Variants in BBS9 observed in about 807,000 individuals in gnomAD.
BBS9 encodes protein PTHB1.
A neutral mutation model predicts 117.7 loss-of-function variants in BBS9; 89 were observed. That is an observed-to-expected ratio of 0.76 (90% CI 0.64 to 0.90). The LOEUF is 0.90. BBS9 is among the 40% of genes least tolerant of loss of function. The pLI, the probability that BBS9 is intolerant of heterozygous loss-of-function variation, is 0.00. For missense variants in BBS9, 982 were observed against 1,042.2 expected (o/e 0.94, Z 0.80); for synonymous variants, 379 against 370.9 (o/e 1.02, Z -0.25).
At chr7:33,635,469 C>G (rs528629574) in exon 22 of BBS9, among the ~76,000 whole-genome samples, 2 of 152,334 alleles carry the variant, frequency 1.3e-5, no homozygotes, top group African/African-American at 4.8e-5. Context: ...AACCAGCCCC[C>G]CAAGGCCCTG....
intron 21 of BBS9, among the ~76,000 whole-genome samples, chr7:33,552,238 TATCA>T (rs1265482844): frequency 1.3e-5 from 2 of 152,222 alleles, no homozygotes; most frequent in African/African-American, 4.8e-5. Flanking sequence ...GCAGAGACTT[TATCA>T]TTCATTTCCA....
At chr7:33,493,558 A>C (rs1040853043) in intron 19 of BBS9, among the ~76,000 whole-genome samples, 23 of 152,216 alleles carry the variant, frequency 1.5e-4, no homozygotes, top group African/African-American at 5.6e-4. Flanking sequence ...TTATTAAATA[A>C]ACATTTATAA....
rs558738383 is a variant in BBS9, at chr7:33,311,099, C to A, written c.1017-25342C>A. 2.0e-4 allele frequency among the ~76,000 whole-genome samples: 31 copies of A among 152,260 alleles called. No individual in the cohort carries two copies. In the South Asian group the frequency reaches 6.2e-3, roughly 31 times the overall value. ...TTTCTGACATATTGAAATCCAATGG[C>A]TAAGCAGACCTGAACCAGACAAAGA... On this transcript the variant is annotated intron_variant, in intron 9 of 22. Coordinates refer to ENST00000242067, the MANE Select transcript of BBS9 (RefSeq NM_198428.3).
intron 9 of BBS9, among the ~76,000 whole-genome samples, chr7:33,308,158 G>C (rs988073672): frequency 6.6e-6 from 1 of 152,170 alleles, no homozygotes; most frequent in Non-Finnish European, 1.5e-5. Flanking sequence ...GGCTCAGGCA[G>C]CTAGCTGAAT....
At chr7:33,326,195 G>GCCACAAGAC (rs1812793865) in intron 9 of BBS9, among the ~76,000 whole-genome samples, 1 of 152,046 alleles carries the variant, frequency 6.6e-6, no homozygotes. Context: ...TGGTACTCAA[G>GCCACAAGAC]CCACAAGACA....
At chr7:33,330,485 A>C (rs560875052) in intron 9 of BBS9, among the ~76,000 whole-genome samples, 64 of 152,298 alleles carry the variant, frequency 4.2e-4, no homozygotes, top group African/African-American at 1.5e-3. Flanking sequence ...ATGTAGTTTA[A>C]TTTAGAGATC....
chr7:33,500,838 C>G (rs909123263), intron 19 of BBS9, among the ~76,000 whole-genome samples: 1 of 152,310 alleles, frequency 6.6e-6, no homozygotes, highest in East Asian at 1.9e-4. Flanking sequence ...TTCACACTCA[C>G]TTTATGAGTT....
At chr7:33,370,889 G>T (rs142154113) in intron 17 of BBS9, among the ~76,000 whole-genome samples, 5 of 151,978 alleles carry the variant, frequency 3.3e-5, no homozygotes, top group African/African-American at 1.2e-4. Flanking sequence ...GCTTCTTAAA[G>T]AATTTAGAAG....
intron 20 of BBS9, among the ~76,000 whole-genome samples, chr7:33,524,576 C>T (rs1849172620): frequency 6.6e-6 from 1 of 152,164 alleles, no homozygotes; most frequent in African/African-American, 2.4e-5. Flanking sequence ...GTTTGCATTT[C>T]TGTGGGATCG....
chr7:33,420,783 CAT>C (rs1245391604), intron 19 of BBS9, among the ~76,000 whole-genome samples: 1 of 152,166 alleles, frequency 6.6e-6, no homozygotes, highest in African/African-American at 2.4e-5. Context: ...CAGGCCAAAA[CAT>C]AATTTTAGCA....
chr7:33,182,613 G>A (rs564993388), intron 5 of BBS9, among the ~76,000 whole-genome samples: 2 of 152,154 alleles, frequency 1.3e-5, no homozygotes, highest in African/African-American at 2.4e-5. Flanking sequence ...CTTAAGTCAC[G>A]TGAACTAAAA....
intron 5 of BBS9, among the ~76,000 whole-genome samples, chr7:33,252,334 CAT>C (rs1796344697): frequency 6.6e-6 from 1 of 152,162 alleles, no homozygotes; most frequent in Non-Finnish European, 1.5e-5. Context: ...CAAACCATAT[CAT>C]ATGCTAACAG....
At chr7:33,154,907 C>T (rs902780893) in intron 3 of BBS9, among the ~76,000 whole-genome samples, 3 of 152,208 alleles carry the variant, frequency 2.0e-5, no homozygotes, top group Non-Finnish European at 4.4e-5. Flanking sequence ...CAAGTAATAG[C>T]CACCTCCTTT....
At chr7:33,326,921 A>G (rs1055710657) in intron 9 of BBS9, among the ~76,000 whole-genome samples, 52 of 151,832 alleles carry the variant, frequency 3.4e-4, no homozygotes, top group African/African-American at 1.1e-3. Context: ...GGTCTTTTCC[A>G]GAGCTGTGCA....
chr7:33,163,242 T>C (rs1362761072), intron 4 of BBS9, among the ~76,000 whole-genome samples: 1 of 152,238 alleles, frequency 6.6e-6, no homozygotes, highest in Non-Finnish European at 1.5e-5. Context: ...AGTATTCTAT[T>C]GAGGATTTTC....
chr7:33,424,137 A>G (rs1045813324), intron 19 of BBS9, among the ~76,000 whole-genome samples: 6 of 152,170 alleles, frequency 3.9e-5, no homozygotes, highest in African/African-American at 1.4e-4. Context: ...TGTATTGTAT[A>G]TTTAAAAAAA....
intron 7 of BBS9, among the ~76,000 whole-genome samples, chr7:33,271,306 C>T (rs951054326): frequency 2.6e-5 from 4 of 152,084 alleles, no homozygotes; most frequent in Non-Finnish European, 5.9e-5. Flanking sequence ...AGCAGCCATA[C>T]AAACAAGTCT....
chr7:33,376,980 C>T (rs1203312847), intron 17 of BBS9, among the ~76,000 whole-genome samples: 1 of 151,768 alleles, frequency 6.6e-6, no homozygotes, highest in Non-Finnish European at 1.5e-5. Context: ...CAAATATTTT[C>T]TCTTATTTTG....
At chr7:33,469,945 T>G (rs1160298804) in intron 19 of BBS9, among the ~76,000 whole-genome samples, 5 of 152,212 alleles carry the variant, frequency 3.3e-5, no homozygotes, top group African/African-American at 9.6e-5. Flanking sequence ...TATATACTTA[T>G]GAGCACATTT....
Sources: gnomAD v4.1 joint callset for allele counts (sites outside exome capture counted in the v4.1 genomes callset) on GRCh38, gnomAD v4.1.1 for gene constraint, MANE v1.5 for transcripts, NCBI Gene and HGNC (gene_info 2026-07-23, HGNC 2026-07-21) for gene names.